Variants in RBM26 observed in about 807,000 individuals in gnomAD.
The protein encoded by RBM26 is RNA-binding protein 26.
Under a neutral mutation model 123.6 loss-of-function variants are expected in RBM26, and 30 were observed. The ratio of observed to expected loss-of-function variants is 0.24; its 90% CI spans 0.18 to 0.33. The LOEUF is 0.33. RBM26 is among the 10% of genes least tolerant of loss of function. The pLI, the probability that RBM26 is intolerant of heterozygous loss-of-function variation, is 1.00. For synonymous variants in RBM26, 400 were observed against 404.4 expected (o/e 0.99, Z 0.13); for missense variants, 947 against 1,203.6 (o/e 0.79, Z 3.15).
intron 9 of RBM26, among the ~76,000 whole-genome samples, chr13:79,360,581 G>C (rs974386881): frequency 2.0e-5 from 3 of 151,918 alleles, no homozygotes; most frequent in Non-Finnish European, 4.4e-5. Context: ...CAATCTAAAA[G>C]ATTCAAAACT....
intron 3 of RBM26, 78 bp from the exon 4 acceptor site, chr13:79,372,008 C>G (rs924188248): frequency 3.8e-6 from 4 of 1,063,046 alleles, no homozygotes; most frequent in Non-Finnish European, 5.6e-6. Context: ...GGGCTGGGCA[C>G]AGTGGTTCAT....
chr13:79,377,427 C>T lies in RBM26; in HGVS notation c.279G>A (p.Leu93=). The change falls in exon 3 of 22, where the codon CTG becomes CTA. Residue 93 remains leucine, a synonymous_variant. Transcript: ENST00000438737. ...PPPEQPSSGS[L]KVEFFPHQEK... The stretch of plus-strand genomic sequence containing the variant: ...CTTGGTGTGGAAAAAATTCTACCTT[C>T]AGGCTTCCTGATGATGGCTGCTCTG... 1 of 1,613,930 alleles carries T rather than the reference C, an allele frequency of 6.2e-7. No homozygotes were observed. Among genetic ancestry groups the T allele is most frequent in the Non-Finnish European group, 8.5e-7 (1 of 1,179,806 alleles).
intron 1 of RBM26, among the ~76,000 whole-genome samples, chr13:79,388,933 C>T (rs2140355829): frequency 6.6e-6 from 1 of 151,172 alleles, no homozygotes; most frequent in South Asian, 2.2e-4. Context: ...GCATTTATAA[C>T]TATTACAAGG....
At chr13:79,354,619 G>T in intron 12 of RBM26, 49 bp from the exon 13 acceptor site, 1 of 1,500,008 alleles carries the variant, frequency 6.7e-7, no homozygotes. Context: ...TCAAAAGGAT[G>T]GAAAGTGACC....
chr13:79,395,432 G>A (rs895356861), intron 1 of RBM26, among the ~76,000 whole-genome samples: 1 of 152,066 alleles, frequency 6.6e-6, no homozygotes, highest in Non-Finnish European at 1.5e-5. Flanking sequence ...GTCTGGAAAC[G>A]GTAGAGGAAA....
intron 1 of RBM26, among the ~76,000 whole-genome samples, chr13:79,384,780 T>A (rs1313660252): frequency 2.0e-5 from 3 of 152,134 alleles, no homozygotes; most frequent in Admixed American, 1.3e-4. Flanking sequence ...AAGAAACAAA[T>A]CACCTCTGGA....
rs200697676 is a variant in RBM26, at chr13:79,359,682, C to G, written c.1422G>C (p.Lys474Asn). 1.1e-5 allele frequency: 17 copies of G among 1,520,634 alleles called. No individual in the cohort carries two copies. In the Admixed American group the frequency reaches 2.7e-4, roughly 25 times the overall value. The allele number at this position is 1,520,634 out of a possible 1,614,324, so 94.2% of individuals were successfully genotyped here. The change falls in exon 10 of 22, where the codon AAG becomes AAC. Residue 474 changes from lysine to asparagine, a missense_variant. Lys to Asn is a moderately conservative substitution (Grantham distance 94). Transcript: ENST00000438737. ...SGDMDLPPRE[K>N]PPNKSSMRIV... The stretch of plus-strand genomic sequence containing the variant: ...TCCTCATACTGCTTTTATTGGGAGG[C>G]TTTTCTGTTTTAAAACAAAAGAAAA...
At chr13:79,342,953 G>A (rs1466780722) in intron 16 of RBM26, 122 bp from the exon 17 acceptor site, 1 of 602,108 alleles carries the variant, frequency 1.7e-6, no homozygotes, top group Non-Finnish European at 2.8e-6. Flanking sequence ...GCATTCGTGA[G>A]AAGGCTAACA....
intron 1 of RBM26, among the ~76,000 whole-genome samples, chr13:79,389,098 C>A (rs1033067666): frequency 6.6e-6 from 1 of 152,016 alleles, no homozygotes; most frequent in Non-Finnish European, 1.5e-5. Context: ...TAAATAATTG[C>A]AGAATGTATG....
exon 5 of RBM26, chr13:79,313,549 T>C (rs1346504649): frequency 6.6e-6 from 1 of 151,844 alleles, no homozygotes; most frequent in Non-Finnish European, 1.5e-5. Context: ...AGAAAATTCT[T>C]TGTTTACAAT....
At chr13:79,397,457 T>A (rs180786611) in intron 1 of RBM26, among the ~76,000 whole-genome samples, 1 of 151,478 alleles carries the variant, frequency 6.6e-6, no homozygotes, top group Non-Finnish European at 1.5e-5. Context: ...AGGCGGATCA[T>A]GAGGTCAGGA....
intron 1 of RBM26, among the ~76,000 whole-genome samples, chr13:79,388,825 AAAGT>A (rs1406825304): frequency 2.0e-5 from 3 of 152,364 alleles, no homozygotes; most frequent in Non-Finnish European, 2.9e-5. Context: ...ATCATTAAAG[AAAGT>A]AATAGTAACA....
intron 1 of RBM26, among the ~76,000 whole-genome samples, chr13:79,397,928 A>G (rs926413190): frequency 6.6e-6 from 1 of 152,190 alleles, no homozygotes; most frequent in Non-Finnish European, 1.5e-5. Flanking sequence ...AAAAATAACA[A>G]AAGAAATGCT....
chr13:79,358,230 C>T (rs200119717), intron 11 of RBM26, 44 bp downstream of exon 11: 15 of 1,494,154 alleles, frequency 1.0e-5, no homozygotes, highest in Non-Finnish European at 1.4e-5. Context: ...ATTAAGTTCC[C>T]TAAACAGAAA....
Position 79,353,227 on chromosome 13 carries a change from A to T in RBM26, c.1987-3T>A. On this transcript the variant is annotated splice_polypyrimidine_tract_variant and splice_region_variant and intron_variant, in intron 13 of 21. Coordinates refer to ENST00000438737, the MANE Select transcript of RBM26 (RefSeq NM_001366735.2). ...TTCACAGATAACTTAGTTACATTCT[A>T]AAAAAATTAAAATGGACATATTCAG... The T allele has an allele frequency of 6.6e-7, 1 of 1,525,098 alleles. No individual in the cohort carries two copies. Among genetic ancestry groups the T allele is most frequent in the Non-Finnish European group, 8.9e-7 (1 of 1,118,806 alleles). 94.5% of individuals were successfully genotyped at this position (1,525,098 alleles called of 1,614,324 possible).
In RBM26 at chr13:79,357,535, C is replaced by T. The variant is rs1005500752; in HGVS notation, c.1689+739G>A. On this transcript the variant is annotated intron_variant, in intron 11 of 21. Transcript: ENST00000438737. ...CAAATACAAATTACTGTTAGTGTTA[C>T]TTACCTTGAAGAATATTCAAAAGTG... Among the ~76,000 whole-genome samples the T allele has an allele frequency of 5.9e-5, 9 of 152,176 alleles. No homozygotes were observed. In the East Asian group the frequency reaches 1.5e-3, roughly 26 times the overall value.
intron 17 of RBM26, 37 bp downstream of exon 17, chr13:79,342,627 A>G: frequency 6.8e-7 from 1 of 1,469,986 alleles, no homozygotes; most frequent in Non-Finnish European, 9.3e-7. Context: ...AATGCTTGTT[A>G]ATAAGTAATA....
chr13:79,339,601 A>G (rs1187177650), intron 18 of RBM26, among the ~76,000 whole-genome samples: 1 of 152,152 alleles, frequency 6.6e-6, no homozygotes, highest in Non-Finnish European at 1.5e-5. Context: ...TAATATTAGT[A>G]ATAGAACAGT....
At chr13:79,352,251 A>G (rs1054850488) in intron 14 of RBM26, among the ~76,000 whole-genome samples, 1 of 152,182 alleles carries the variant, frequency 6.6e-6, no homozygotes, top group Admixed American at 6.5e-5. Flanking sequence ...TTGATTCCCA[A>G]TCTTCAGACT....
Sources: gnomAD v4.1 joint callset for allele counts (sites outside exome capture counted in the v4.1 genomes callset) on GRCh38, gnomAD v4.1.1 for gene constraint, MANE v1.5 for transcripts, NCBI Gene and HGNC (gene_info 2026-07-23, HGNC 2026-07-21) for gene names.